The following ITPR2 variants were observed in gnomAD, a reference collection of about 807,000 sequenced individuals.
The protein encoded by ITPR2 is inositol 1,4,5-trisphosphate-gated calcium channel ITPR2.
Under a neutral mutation model 317.1 loss-of-function variants are expected in ITPR2, and 207 were observed. The observed-to-expected ratio is 0.65, with a 90% CI of 0.58 to 0.73. The LOEUF (loss-of-function observed/expected upper bound fraction) is 0.73. Among genes scored for constraint, ITPR2 ranks in the 30% least tolerant of loss-of-function variants. The pLI is 0.00. For missense variants in ITPR2, 2,613 were observed against 3,284.0 expected (o/e 0.80, Z 4.99); for synonymous variants, 1,156 against 1,149.1 (o/e 1.01, Z -0.12).
At chr12:26,442,949 T>C (rs1941519634) in intron 46 of ITPR2, among the ~76,000 whole-genome samples, 1 of 152,122 alleles carries the variant, frequency 6.6e-6, no homozygotes, top group African/African-American at 2.4e-5. Flanking sequence ...AGCTAGTAAA[T>C]GACAGCCAGA....
intron 28 of ITPR2, among the ~76,000 whole-genome samples, chr12:26,600,449 C>T (rs1945969753): frequency 6.6e-6 from 1 of 152,034 alleles, no homozygotes; most frequent in African/African-American, 2.4e-5. Context: ...TCCTCCTCTG[C>T]TTTATCTCCA....
At chr12:26,802,414 G>A (rs190453142) in intron 1 of ITPR2, among the ~76,000 whole-genome samples, 78 of 152,158 alleles carry the variant, frequency 5.1e-4, no homozygotes, top group Middle Eastern at 3.4e-3. Context: ...TTGCGAGGCC[G>A]AGGCAGGAGG....
At chr12:26,629,638 T>G (rs1404688522) in intron 22 of ITPR2, among the ~76,000 whole-genome samples, 2 of 151,886 alleles carry the variant, frequency 1.3e-5, no homozygotes, top group African/African-American at 4.8e-5. Flanking sequence ...TTAACGCAGC[T>G]TTCACTGGTT....
In ITPR2 at chr12:26,579,729, C is replaced by A. The variant is rs183755417; in HGVS notation, c.4509+298G>T. 5.3e-3 allele frequency among the ~76,000 whole-genome samples: 801 copies of A among 152,040 alleles called. 6 individuals are homozygous for A. Among genetic ancestry groups the A allele is most frequent in the African/African-American group, 0.017 (721 of 41,486 alleles). The stretch of plus-strand genomic sequence containing the variant: ...AGTTACTAAAGTAAAACTTTAGGGG[C>A]AAAATGTCTATCATTTAAAGAATTA... On this transcript the variant is annotated intron_variant, in intron 33 of 56. Coordinates refer to ENST00000381340, the MANE Select transcript of ITPR2 (RefSeq NM_002223.4).
At position 26,415,387 on chromosome 12, in the gene ITPR2, G is replaced by C. The variant is rs1356629441; in HGVS notation, c.7222C>G (p.Leu2408Val). ...TAVLALILVYLFSIIGFLFLK... is the reference protein window; with the variant it reads ...TAVLALILVYVFSIIGFLFLK... ...AAAAGGAACCCAATAATGGAAAACA[G>C]GTAGACGAGGATGAGAGCCAGGACT... Residue 2408 changes from leucine to valine, a missense_variant, in exon 51 of 57, where the codon CTG becomes GTG. By Grantham distance (32) the Leu-to-Val change is conservative. Transcript: ENST00000381340. The C allele has an allele frequency of 1.9e-6, 3 of 1,612,888 alleles. No homozygotes were observed. The highest frequency in any genetic ancestry group is 2.2e-5 in the South Asian group (2 of 90,940).
At chr12:26,543,856 A>ATTT (rs760508679) in intron 37 of ITPR2, among the ~76,000 whole-genome samples, 2 of 152,134 alleles carry the variant, frequency 1.3e-5, no homozygotes, top group African/African-American at 2.4e-5. Flanking sequence ...CAACATACAT[A>ATTT]TTTTTTTAAA....
chr12:26,340,337 A>AAAT lies in ITPR2; in HGVS notation c.7858-12_7858-10dup. The AAAT allele has an allele frequency of 6.3e-7, 1 of 1,591,212 alleles. No individual in the cohort carries two copies. Among genetic ancestry groups the AAAT allele is most frequent in the Non-Finnish European group, 8.6e-7 (1 of 1,167,830 alleles). On this transcript the variant is annotated splice_polypyrimidine_tract_variant and intron_variant, in intron 55 of 56. Coordinates refer to ENST00000381340, the MANE Select transcript of ITPR2 (RefSeq NM_002223.4). ...CAATCCAAATTCTTCTCCTGAAAGC[A>AAAT]AATAAATGTGTGCGAACAAGGGAAT...
intron 46 of ITPR2, among the ~76,000 whole-genome samples, chr12:26,442,062 T>C (rs1017291774): frequency 1.3e-5 from 2 of 152,110 alleles, no homozygotes; most frequent in East Asian, 1.9e-4. Context: ...TCTATGTGTT[T>C]TCTATCCCAC....
chr12:26,519,987 T>C (rs1295952424), intron 37 of ITPR2, among the ~76,000 whole-genome samples: 5 of 152,130 alleles, frequency 3.3e-5, no homozygotes, highest in Non-Finnish European at 7.4e-5. Context: ...AAACCAATAA[T>C]AGTGATTACC....
chr12:26,637,782 T>C (rs1301429347), intron 21 of ITPR2, among the ~76,000 whole-genome samples: 1 of 152,214 alleles, frequency 6.6e-6, no homozygotes, highest in Non-Finnish European at 1.5e-5. Context: ...TAGTTCATAA[T>C]GTCTTATAAT....
chr12:26,589,796 AATAAATAAAT>A (rs1243855528), intron 32 of ITPR2, among the ~76,000 whole-genome samples: 747 of 49,238 alleles, frequency 0.015, 78 homozygotes, highest in African/African-American at 0.035. Flanking sequence ...CAAAAAAAAA[AATAAATAAAT>A]AAAAAATAAA....
At chr12:26,363,095 G>C (rs997059000) in intron 55 of ITPR2, among the ~76,000 whole-genome samples, 2 of 152,196 alleles carry the variant, frequency 1.3e-5, no homozygotes, top group Non-Finnish European at 2.9e-5. Flanking sequence ...AGATGAGTGA[G>C]TGAAGCTTCA....
chr12:26,721,227 C>T, intron 5 of ITPR2: 1 of 456,294 alleles, frequency 2.2e-6, no homozygotes, highest in Non-Finnish European at 3.9e-6. Flanking sequence ...AGAAATCCAA[C>T]CAACACAAGA....
intron 45 of ITPR2, among the ~76,000 whole-genome samples, chr12:26,465,613 C>T (rs1275016723): frequency 6.9e-6 from 1 of 144,282 alleles, no homozygotes; most frequent in African/African-American, 2.9e-5. Context: ...CTCCCTCTGG[C>T]GCCCTCTCTC....
chr12:26,672,038 A>G (rs979000781), intron 13 of ITPR2, among the ~76,000 whole-genome samples: 5 of 152,162 alleles, frequency 3.3e-5, no homozygotes, highest in Admixed American at 1.3e-4. Context: ...AGGAGCACCC[A>G]GATTCATAAA....
At chr12:26,513,042 C>T (rs1943396837) in intron 37 of ITPR2, among the ~76,000 whole-genome samples, 1 of 152,016 alleles carries the variant, frequency 6.6e-6, no homozygotes, top group African/African-American at 2.4e-5. Context: ...GGGGTTTCAC[C>T]ATCTTGGCCA....
chr12:26,665,761 C>T (rs1287281399), intron 14 of ITPR2, 149 bp downstream of exon 14: 1 of 699,002 alleles, frequency 1.4e-6, no homozygotes, highest in Non-Finnish European at 2.3e-6. Context: ...CACTACTCCA[C>T]AGAAACTGTG....
At chr12:26,686,989 A>G (rs1033947729) in intron 10 of ITPR2, among the ~76,000 whole-genome samples, 2 of 152,186 alleles carry the variant, frequency 1.3e-5, no homozygotes, top group African/African-American at 4.8e-5. Flanking sequence ...GTGTTGAATC[A>G]TCTAGATTTC....
At chr12:26,767,931 A>G (rs997417263) in intron 2 of ITPR2, among the ~76,000 whole-genome samples, 4 of 152,236 alleles carry the variant, frequency 2.6e-5, no homozygotes, top group African/African-American at 4.8e-5. Flanking sequence ...TAGAGATACA[A>G]TGTGGGTCCT....
Sources: allele counts gnomAD v4.1 joint callset (sites outside exome capture counted in the v4.1 genomes callset), GRCh38; gene constraint gnomAD v4.1.1; transcripts MANE v1.5; gene names NCBI Gene and HGNC (gene_info 2026-07-23, HGNC 2026-07-21).